The following ST6GAL1 variants were observed in gnomAD, a reference collection of about 807,000 sequenced individuals.
The protein encoded by ST6GAL1 is ST6 beta-galactoside alpha-2,6-sialyltransferase 1, also known as beta-galactoside alpha-2,6-sialyltransferase 1.
ST6GAL1 carries 20 observed loss-of-function variants against 38.0 expected under a neutral mutation model. The observed-to-expected ratio is 0.53, with a 90% CI of 0.37 to 0.77. The LOEUF (loss-of-function observed/expected upper bound fraction) is 0.77, where lower values mean the gene tolerates loss of function less well. Ranked by LOEUF, ST6GAL1 falls within the 30% of genes least tolerant of loss-of-function variation. The pLI is 0.00. For missense variants in ST6GAL1, 432 were observed against 496.4 expected (o/e 0.87, Z 1.23); for synonymous variants, 196 against 188.2 (o/e 1.04, Z -0.34).
intron 4 of ST6GAL1, among the ~76,000 whole-genome samples, chr3:187,050,827 C>G (rs547664120): frequency 4.3e-4 from 65 of 152,294 alleles, no homozygotes; most frequent in African/African-American, 1.5e-3. Context: ...GTGGGATACA[C>G]TGAACATATG....
intron 1 of ST6GAL1, among the ~76,000 whole-genome samples, chr3:186,958,051 T>TAA (rs112067764): frequency 7.1e-6 from 1 of 141,364 alleles, no homozygotes. Context: ...TTTTAAGAAT[T>TAA]AAAAAAAAAA....
chr3:186,961,747 T>A (rs1006411844), intron 1 of ST6GAL1, among the ~76,000 whole-genome samples: 2 of 152,026 alleles, frequency 1.3e-5, no homozygotes, highest in Non-Finnish European at 1.5e-5. Flanking sequence ...TCTGTGTAGG[T>A]GAATTCTCCA....
At chr3:187,026,878 T>G (rs1404020126) in intron 2 of ST6GAL1, among the ~76,000 whole-genome samples, 1 of 151,970 alleles carries the variant, frequency 6.6e-6, no homozygotes, top group Admixed American at 6.6e-5. Context: ...ACCCCATCTC[T>G]ACTAAAAACA....
chr3:186,999,856 T>TA (rs141642215), intron 2 of ST6GAL1, among the ~76,000 whole-genome samples: 39,051 of 151,506 alleles, frequency 0.26, 5,209 homozygotes, highest in African/African-American at 0.31. Context: ...TTTATTTATA[T>TA]TTTTTTTAGA....
chr3:186,945,055 A>G (rs1714307875), intron 1 of ST6GAL1, among the ~76,000 whole-genome samples: 1 of 152,226 alleles, frequency 6.6e-6, no homozygotes. Flanking sequence ...GAGGTGGCTC[A>G]TGCCTAAAAT....
chr3:186,937,967 A>C (rs987971008), intron 1 of ST6GAL1, among the ~76,000 whole-genome samples: 1 of 152,266 alleles, frequency 6.6e-6, no homozygotes, highest in South Asian at 2.1e-4. Context: ...CCAGTTACTC[A>C]GGAGGCTGAG....
At chr3:187,007,489 G>C (rs182509393) in intron 2 of ST6GAL1, among the ~76,000 whole-genome samples, 1 of 152,314 alleles carries the variant, frequency 6.6e-6, no homozygotes, top group Admixed American at 6.5e-5. Flanking sequence ...ATCTGACACT[G>C]GAGCTAACAC....
intron 2 of ST6GAL1, among the ~76,000 whole-genome samples, chr3:186,999,417 T>TTC (rs2108551636): frequency 6.6e-6 from 1 of 150,936 alleles, no homozygotes; most frequent in Admixed American, 6.6e-5. Context: ...TAATCTCTTT[T>TTC]TTTTTTTTTT....
intron 1 of ST6GAL1, among the ~76,000 whole-genome samples, chr3:186,947,513 AT>A (rs1714412825): frequency 6.6e-6 from 1 of 152,174 alleles, no homozygotes; most frequent in Admixed American, 6.5e-5. Context: ...ATAGGTAAAT[AT>A]TTTATAAGTA....
At chr3:187,029,088 T>A (rs866277595) in intron 2 of ST6GAL1, among the ~76,000 whole-genome samples, 103 of 105,968 alleles carry the variant, frequency 9.7e-4, no homozygotes, top group African/African-American at 3.2e-3. Context: ...ACCTTGTCTC[T>A]AAAAAAAAAA....
At chr3:186,960,998 C>T (rs1714917851) in intron 1 of ST6GAL1, among the ~76,000 whole-genome samples, 1 of 145,658 alleles carries the variant, frequency 6.9e-6, no homozygotes, top group African/African-American at 2.6e-5. Context: ...TAGATAGAGT[C>T]TCACTCTGTC....
At chr3:186,986,903 A>G (rs1299778500) in intron 2 of ST6GAL1, among the ~76,000 whole-genome samples, 1 of 152,182 alleles carries the variant, frequency 6.6e-6, no homozygotes, top group Non-Finnish European at 1.5e-5. Context: ...GAATAGTGTC[A>G]GGAGAAAAAG....
chr3:187,022,085 G>C (rs79596093), intron 2 of ST6GAL1: 1 of 152,402 alleles, frequency 6.6e-6, no homozygotes, highest in Non-Finnish European at 1.5e-5. Context: ...CCCAATGGAA[G>C]CTGGTTGGTC....
At chr3:186,967,209 T>C (rs1006626595) in intron 2 of ST6GAL1, among the ~76,000 whole-genome samples, 3 of 152,196 alleles carry the variant, frequency 2.0e-5, no homozygotes, top group African/African-American at 7.2e-5. Context: ...CGTTTGTTTT[T>C]TAGACGGTGT....
chr3:186,969,346 C>T (rs190667921), intron 2 of ST6GAL1, among the ~76,000 whole-genome samples: 14 of 152,318 alleles, frequency 9.2e-5, no homozygotes, highest in Admixed American at 2.6e-4. Flanking sequence ...AGCCACAGCG[C>T]GCAGCCCATC....
At chr3:187,071,753 C>T (rs1719383668) in intron 5 of ST6GAL1, among the ~76,000 whole-genome samples, 2 of 127,712 alleles carry the variant, frequency 1.6e-5, no homozygotes, top group South Asian at 2.5e-4. Flanking sequence ...CAGGCTGTGT[C>T]GCCTTTTTTT....
chr3:187,074,456 C>A, intron 7 of ST6GAL1, 123 bp downstream of exon 7: 1 of 1,101,640 alleles, frequency 9.1e-7, no homozygotes, highest in Non-Finnish European at 1.2e-6. Context: ...TAGGATTCTG[C>A]TCTGCTTGTA....
chr3:186,974,190 G>T (rs1715444971), intron 2 of ST6GAL1, among the ~76,000 whole-genome samples: 1 of 152,128 alleles, frequency 6.6e-6, no homozygotes. Flanking sequence ...GCTATATCCT[G>T]ACTATAGGCT....
chr3:186,943,817 C>T (rs1180319648), intron 1 of ST6GAL1, among the ~76,000 whole-genome samples: 1 of 152,200 alleles, frequency 6.6e-6, no homozygotes, highest in African/African-American at 2.4e-5. Context: ...AAAGTCAGAC[C>T]GTGAGTGTGT....
Sources: allele counts gnomAD v4.1 joint callset (sites outside exome capture counted in the v4.1 genomes callset), GRCh38; gene constraint gnomAD v4.1.1; transcripts MANE v1.5; gene names NCBI Gene and HGNC (gene_info 2026-07-23, HGNC 2026-07-21).